KIF26B: variants seen among roughly 807,000 people sequenced by gnomAD.
KIF26B encodes kinesin-like protein KIF26B.
In KIF26B, 63 loss-of-function variants were observed where a neutral mutation model predicts 151.2. The observed-to-expected ratio is 0.42, with a 90% CI of 0.34 to 0.51. The LOEUF (loss-of-function observed/expected upper bound fraction) is 0.51, where lower values mean the gene tolerates loss of function less well. Among genes scored for constraint, KIF26B ranks in the 20% least tolerant of loss-of-function variants. KIF26B has a pLI of 0.07. For missense variants in KIF26B, 2,813 were observed against 2,913.6 expected (o/e 0.97, Z 0.79); for synonymous variants, 1,357 against 1,262.1 (o/e 1.08, Z -1.59).
intron 4 of KIF26B, among the ~76,000 whole-genome samples, chr1:245,444,776 G>A (rs1335489308): frequency 1.3e-5 from 2 of 152,174 alleles, no homozygotes; most frequent in African/African-American, 2.4e-5. Context: ...AATAAAAAGG[G>A]AAAATGACGT....
chr1:245,556,953 A>G (rs1662055214), intron 5 of KIF26B, among the ~76,000 whole-genome samples: 1 of 152,124 alleles, frequency 6.6e-6, no homozygotes, highest in African/African-American at 2.4e-5. Context: ...AGAAGGGCCC[A>G]TTCTCCAAAA....
chr1:245,671,823 C>T (rs2044290307), intron 10 of KIF26B, among the ~76,000 whole-genome samples: 1 of 152,156 alleles, frequency 6.6e-6, no homozygotes, highest in African/African-American at 2.4e-5. Flanking sequence ...GATGAAAGGG[C>T]ATTTCTGACT....
intron 12 of KIF26B, among the ~76,000 whole-genome samples, chr1:245,690,328 C>T (rs75173075): frequency 0.014 from 2,169 of 152,306 alleles, 56 homozygotes; most frequent in East Asian, 0.11. Context: ...CACATGCTCT[C>T]AGAAGCCAGG....
chr1:245,332,647 C>T (rs1188852811), intron 2 of KIF26B, among the ~76,000 whole-genome samples: 3 of 152,310 alleles, frequency 2.0e-5, no homozygotes, highest in African/African-American at 7.2e-5. Flanking sequence ...GAAGCCACAG[C>T]CCTGCTGGTT....
intron 2 of KIF26B, among the ~76,000 whole-genome samples, chr1:245,158,534 C>G (rs966541304): frequency 6.6e-6 from 1 of 152,176 alleles, no homozygotes; most frequent in Non-Finnish European, 1.5e-5. Flanking sequence ...AGAAGAAACA[C>G]TGGATTTGCT....
rs114295608 is a variant in KIF26B, at chr1:245,296,464, C to G, written c.466-70370C>G. Reference sequence around the variant, plus strand: ...TAATCTGAGTGGGGATATAAGGGCCCCGACACAGGTGCCACCGGGCAGCTG... The same window carrying G: ...TAATCTGAGTGGGGATATAAGGGCCGCGACACAGGTGCCACCGGGCAGCTG... On this transcript the variant is annotated intron_variant, in intron 2 of 14. Coordinates refer to ENST00000407071, the MANE Select transcript of KIF26B (RefSeq NM_018012.4). Among the ~76,000 whole-genome samples the G allele has an allele frequency of 7.0e-3, 1,062 of 152,056 alleles. 12 individuals are homozygous for G. Among genetic ancestry groups the G allele is most frequent in the African/African-American group, 0.024 (1,010 of 41,464 alleles).
chr1:245,609,738 G>C (rs2043498559), intron 8 of KIF26B, among the ~76,000 whole-genome samples: 1 of 152,052 alleles, frequency 6.6e-6, no homozygotes. Context: ...TTGACAATGA[G>C]CAGGGACCAC....
Position 245,200,201 on chromosome 1 carries a change from C to G in KIF26B, c.465+43518C>G, listed in dbSNP as rs57390021. ...CAAATCCCATTTCTCTCCTAAATCT[C>G]GTTTTCACAGATGCTCAGCAAAGGA... On this transcript the variant is annotated intron_variant, in intron 2 of 14. Transcript: ENST00000407071. 8.9e-4 allele frequency among the ~76,000 whole-genome samples: 136 copies of G among 152,282 alleles called. No homozygotes were observed. In the East Asian group the frequency reaches 0.013, roughly 15 times the overall value.
At chr1:245,173,547 A>G (rs1668749837) in intron 2 of KIF26B, among the ~76,000 whole-genome samples, 1 of 152,024 alleles carries the variant, frequency 6.6e-6, no homozygotes, top group South Asian at 2.1e-4. Flanking sequence ...GATCCACCCT[A>G]TGAGACAGGC....
In KIF26B at chr1:245,569,684, C is replaced by T. The variant is rs184302622; in HGVS notation, c.1350+28734C>T. Among the ~76,000 whole-genome samples the T allele has an allele frequency of 1.1e-3, 161 of 151,706 alleles. 5 individuals are homozygous for T. The East Asian group carries it at 0.028, about 27-fold the overall frequency. ...GTGCATGCCTGTAGTTCCAGCTACT[C>T]GGGAGGCTGAGGTGGGAAGATCACT... On this transcript the variant is annotated intron_variant, in intron 5 of 14. Transcript: ENST00000407071.
intron 2 of KIF26B, among the ~76,000 whole-genome samples, chr1:245,183,733 G>A (rs1668945655): frequency 6.6e-6 from 1 of 152,118 alleles, no homozygotes; most frequent in Admixed American, 6.5e-5. Context: ...GCAGGTGTGA[G>A]ATGGACTCCA....
intron 4 of KIF26B, among the ~76,000 whole-genome samples, chr1:245,423,653 G>T (rs1045174108): frequency 6.6e-6 from 1 of 152,092 alleles, no homozygotes. Context: ...TGACACATTT[G>T]TTGTTGCTCT....
intron 2 of KIF26B, among the ~76,000 whole-genome samples, chr1:245,173,371 C>T (rs770061183): frequency 1.1e-4 from 16 of 152,098 alleles, no homozygotes; most frequent in African/African-American, 2.7e-4. Flanking sequence ...TTTTACTGGG[C>T]GCACACACAC....
At chr1:245,265,014 A>T (rs1415837156) in intron 2 of KIF26B, among the ~76,000 whole-genome samples, 2 of 151,328 alleles carry the variant, frequency 1.3e-5, no homozygotes, top group Non-Finnish European at 2.9e-5. Flanking sequence ...CCTGGCTAAC[A>T]CGGTGAAACC....
At chr1:245,312,634 G>A (rs1055657702) in intron 2 of KIF26B, among the ~76,000 whole-genome samples, 13 of 151,988 alleles carry the variant, frequency 8.6e-5, no homozygotes, top group South Asian at 2.1e-4. Flanking sequence ...GGGGGTGGGC[G>A]GTAGCAAGTG....
chr1:245,388,300 A>T (rs1317456802), intron 3 of KIF26B, among the ~76,000 whole-genome samples: 1 of 152,200 alleles, frequency 6.6e-6, no homozygotes, highest in African/African-American at 2.4e-5. Flanking sequence ...GGATGGAAGG[A>T]ATAGGAAAAG....
At chr1:245,309,294 G>A (rs960530952) in intron 2 of KIF26B, among the ~76,000 whole-genome samples, 1 of 152,180 alleles carries the variant, frequency 6.6e-6, no homozygotes, top group Admixed American at 6.5e-5. Context: ...GTTCTTGGGT[G>A]TGTCTGTGAA....
rs557876463 is a variant in KIF26B, at chr1:245,254,646, A to T, written c.465+97963A>T. On this transcript the variant is annotated intron_variant, in intron 2 of 14. Transcript: ENST00000407071. ...CTGGGGGAAGAGTGACTGGGGAGGA[A>T]ATACGTCTTCCCCTTTTATTGATCT... Among the ~76,000 whole-genome samples the T allele has an allele frequency of 2.0e-5, 3 of 152,230 alleles. No homozygotes were observed. The East Asian group carries it at 5.8e-4, about 29-fold the overall frequency.
At chr1:245,530,459 A>C (rs1661336600) in intron 4 of KIF26B, among the ~76,000 whole-genome samples, 1 of 152,228 alleles carries the variant, frequency 6.6e-6, no homozygotes. Flanking sequence ...CAAATGAATA[A>C]AGAAAAGGTG....
Sources: allele counts gnomAD v4.1 joint callset (sites outside exome capture counted in the v4.1 genomes callset), GRCh38; gene constraint gnomAD v4.1.1; transcripts MANE v1.5; gene names NCBI Gene and HGNC (gene_info 2026-07-23, HGNC 2026-07-21).